Variants in DNMT1 observed in about 807,000 individuals in gnomAD.
The protein encoded by DNMT1 is DNA methyltransferase 1.
In DNMT1, 24 loss-of-function variants were observed where a neutral mutation model predicts 205.3. The observed-to-expected ratio is 0.12, with a 90% CI of 0.08 to 0.16. The LOEUF is 0.16. Ranked by LOEUF, DNMT1 falls within the 10% of genes least tolerant of loss-of-function variation. The probability of loss-of-function intolerance (pLI) is 1.00; values close to 1 mark genes in which losing one functional copy is unlikely to be tolerated. For missense variants in DNMT1, 1,293 were observed against 2,177.7 expected (o/e 0.59, Z 8.09); for synonymous variants, 817 against 839.8 (o/e 0.97, Z 0.47).
chr19:10,135,454 GCCACC>G, intron 39 of DNMT1: 1 of 485,124 alleles, frequency 2.1e-6, no homozygotes, highest in Admixed American at 3.3e-5. Context: ...GTGAGCTGTC[GCCACC>G]ATGGGTTTTA....
At chr19:10,160,480 T>C (rs894802544) in intron 13 of DNMT1, 62 bp from the exon 14 acceptor site, 3 of 1,577,480 alleles carry the variant, frequency 1.9e-6, no homozygotes, top group African/African-American at 1.3e-5. Context: ...CAGATAGTGC[T>C]TCGGTGTTAA....
At chr19:10,175,951 T>C (rs946799880) in intron 6 of DNMT1, among the ~76,000 whole-genome samples, 1 of 152,134 alleles carries the variant, frequency 6.6e-6, no homozygotes, top group Non-Finnish European at 1.5e-5. Context: ...GAGGATCACC[T>C]GAGTTCAGGA....
chr19:10,188,687 G>A (rs999329988), intron 1 of DNMT1, among the ~76,000 whole-genome samples: 3 of 152,186 alleles, frequency 2.0e-5, no homozygotes, highest in East Asian at 1.9e-4. Context: ...TCTGGGGTGG[G>A]CCCAATCTAA....
At chr19:10,171,587 C>T (rs573246437) in intron 9 of DNMT1, among the ~76,000 whole-genome samples, 2 of 152,142 alleles carry the variant, frequency 1.3e-5, no homozygotes, top group African/African-American at 2.4e-5. Context: ...GGGAGGATCA[C>T]GAGGTCAGGA....
rs538744947 is a variant in DNMT1 at position 10,142,454 on chromosome 19, A to AC, written c.3117-235dup. 2.8e-4 allele frequency among the ~76,000 whole-genome samples: 41 copies of AC among 146,180 alleles called. No homozygotes were observed. The Middle Eastern group carries it at 0.022, about 77-fold the overall frequency. On this transcript the variant is annotated intron_variant, in intron 29 of 40. Transcript: ENST00000359526. Reference sequence around the variant, plus strand: ...CCATTTAGGGAACTGCAGGGTAAAGACCCCCCCTAGTTAGGGAACCACAGG... The same window carrying AC: ...CCATTTAGGGAACTGCAGGGTAAAGACCCCCCCCTAGTTAGGGAACCACAGG...
Position 10,154,724 on chromosome 19 carries a change from G to A in DNMT1, c.1694C>T (p.Ser565Phe). The A allele has an allele frequency of 1.2e-6, 2 of 1,614,236 alleles. No homozygotes were observed. Among genetic ancestry groups the A allele is most frequent in the Non-Finnish European group, 1.7e-6 (2 of 1,180,044 alleles). The change falls in exon 21 of 41, where the codon TCC becomes TTC. Residue 565 changes from serine (S) to phenylalanine (F), a missense_variant. By Grantham distance (155) the Ser-to-Phe change is radical. This residue lies in a region of DNMT1 where 120 missense variants were observed against 315.9 expected (regional missense o/e 0.38). Coordinates refer to ENST00000359526, the MANE Select transcript of DNMT1 (RefSeq NM_001130823.3). This position sits in a 1 kb window ranked among gnomAD's most constrained non-coding sequence, Gnocchi z 6.3. ...GLNLNRFTED[S>F]LLRHAQFVVE... is the part of the protein sequence containing the mutation. ...CACAAACTGCGCGTGTCGCAGGAGG[G>A]AGTCCTCTGTGAAGCGGTTCAAGTT...
chr19:10,161,341 A>G (rs947588094), intron 13 of DNMT1, among the ~76,000 whole-genome samples: 1 of 151,130 alleles, frequency 6.6e-6, no homozygotes, highest in Non-Finnish European at 1.5e-5. Flanking sequence ...AAATAAATAA[A>G]TAAATAAATA....
chr19:10,179,312 G>A (rs888644781), intron 5 of DNMT1, among the ~76,000 whole-genome samples: 4 of 151,584 alleles, frequency 2.6e-5, no homozygotes, highest in South Asian at 2.1e-4. Context: ...CAACTTGGTC[G>A]AAAACAACAT....
chr19:10,167,084 C>G (rs1354258376), intron 10 of DNMT1, among the ~76,000 whole-genome samples: 1 of 152,170 alleles, frequency 6.6e-6, no homozygotes, highest in Non-Finnish European at 1.5e-5. Context: ...GGGTCCGAGT[C>G]TTCACCTCCC....
chr19:10,135,198 A>G (rs2089449782), intron 39 of DNMT1, among the ~76,000 whole-genome samples: 1 of 140,152 alleles, frequency 7.1e-6, no homozygotes, highest in African/African-American at 2.7e-5. Flanking sequence ...GGGCGAAAGA[A>G]CAAAGCTCCA....
chr19:10,178,210 T>C (rs1397896213), intron 5 of DNMT1, among the ~76,000 whole-genome samples: 4 of 151,294 alleles, frequency 2.6e-5, no homozygotes, highest in Admixed American at 1.3e-4. Flanking sequence ...TGAGCCGAGA[T>C]TGTGCCACTG....
intron 27 of DNMT1, among the ~76,000 whole-genome samples, chr19:10,148,299 A>T (rs1045939120): frequency 6.6e-6 from 1 of 151,100 alleles, no homozygotes; most frequent in Non-Finnish European, 1.5e-5. Flanking sequence ...GATCGAGACC[A>T]TCCTGGCTAA....
At chr19:10,139,139 G>A (rs541247276) in intron 34 of DNMT1, among the ~76,000 whole-genome samples, 1 of 152,344 alleles carries the variant, frequency 6.6e-6, no homozygotes, top group Non-Finnish European at 1.5e-5. Context: ...GAGGATGGGG[G>A]ATGCTTTTCA....
intron 38 of DNMT1, 100 bp from the exon 39 acceptor site, chr19:10,135,952 G>A (rs758722804): frequency 1.0e-4 from 156 of 1,489,242 alleles, no homozygotes; most frequent in Admixed American, 2.2e-4. Context: ...TACGGCCATG[G>A]CCTTGGCCTA....
At chr19:10,170,156 G>T (rs1404516860) in intron 9 of DNMT1, among the ~76,000 whole-genome samples, 1 of 151,840 alleles carries the variant, frequency 6.6e-6, no homozygotes, top group Non-Finnish European at 1.5e-5. Context: ...GGGGTGGCGG[G>T]CGCCTATAAT....
intron 1 of DNMT1, among the ~76,000 whole-genome samples, chr19:10,190,481 G>A (rs1196876619): frequency 6.6e-6 from 1 of 152,124 alleles, no homozygotes; most frequent in East Asian, 1.9e-4. Context: ...TGAATTAAAA[G>A]GCCAGGCACG....
intron 1 of DNMT1, among the ~76,000 whole-genome samples, chr19:10,183,096 CGT>C (rs1297059820): frequency 7.2e-6 from 1 of 138,806 alleles, no homozygotes; most frequent in Non-Finnish European, 1.5e-5. Context: ...TATATATACA[CGT>C]ATATATACGT....
chr19:10,140,975 C>T lies in DNMT1; in HGVS notation c.3395-66G>A. 1 of 1,613,738 alleles carries T rather than the reference C, an allele frequency of 6.2e-7. No individual in the cohort carries two copies. Among genetic ancestry groups the T allele is most frequent in the Non-Finnish European group, 8.5e-7 (1 of 1,180,030 alleles). Reference sequence around the variant, plus strand: ...TCCAAGTCCACCTTGCTCTCAAGCGCCTTGTTAACTCAGGCGGCCTCGCTG... The same window carrying T: ...TCCAAGTCCACCTTGCTCTCAAGCGTCTTGTTAACTCAGGCGGCCTCGCTG... On this transcript the variant is annotated intron_variant, in intron 31 of 40. Transcript: ENST00000359526. The surrounding 1 kb of genome is among the most constrained non-coding windows in gnomAD (Gnocchi z 8.4).
chr19:10,174,007 T>C, intron 7 of DNMT1, 102 bp from the exon 8 acceptor site: 3 of 1,206,822 alleles, frequency 2.5e-6, no homozygotes, highest in South Asian at 2.4e-5. Context: ...TTGACATGGT[T>C]AGAGCAAGAG....
Sources: gnomAD v4.1 joint callset for allele counts (sites outside exome capture counted in the v4.1 genomes callset) on GRCh38, gnomAD v4.1.1 for gene constraint, gnomAD v4.1.1 regional missense constraint, Gnocchi (gnomAD v3.1) non-coding constraint, MANE v1.5 for transcripts, NCBI Gene and HGNC (gene_info 2026-07-23, HGNC 2026-07-21) for gene names.